Variants in SAMD12 observed in about 807,000 individuals in gnomAD.
SAMD12 encodes sterile alpha motif domain containing 12.
Under a neutral mutation model 15.0 loss-of-function variants are expected in SAMD12, and 9 were observed. The ratio of observed to expected loss-of-function variants is 0.60; its 90% CI spans 0.36 to 1.05. The LOEUF (loss-of-function observed/expected upper bound fraction) is 1.05. SAMD12 is among the 50% of genes least tolerant of loss of function. The pLI is 0.01. For synonymous variants in SAMD12, 86 were observed against 90.1 expected (o/e 0.96, Z 0.25); for missense variants, 230 against 234.2 (o/e 0.98, Z 0.12).
At chr8:118,386,812 G>GA (rs1819987868) in intron 3 of SAMD12, among the ~76,000 whole-genome samples, 1 of 152,190 alleles carries the variant, frequency 6.6e-6, no homozygotes, top group African/African-American at 2.4e-5. Flanking sequence ...ATGACTGCAT[G>GA]TCATAAGGCA....
intron 4 of SAMD12, among the ~76,000 whole-genome samples, chr8:118,286,562 T>TC (rs11382798): frequency 0.34 from 52,331 of 152,074 alleles, 9,821 homozygotes; most frequent in East Asian, 0.5. Context: ...AACATTTTCT[T>TC]CGTTACCCCT....
At chr8:118,273,352 T>C (rs1232792869) in intron 4 of SAMD12, among the ~76,000 whole-genome samples, 4 of 152,122 alleles carry the variant, frequency 2.6e-5, no homozygotes, top group Non-Finnish European at 5.9e-5. Context: ...CCACATCCTT[T>C]CTATGGCACA....
At chr8:118,419,895 C>A (rs779051794) in intron 3 of SAMD12, among the ~76,000 whole-genome samples, 7 of 152,164 alleles carry the variant, frequency 4.6e-5, no homozygotes, top group Non-Finnish European at 1.0e-4. Context: ...GTCCTCCTGT[C>A]TATGTTACCT....
At chr8:118,510,601 C>T (rs1352304730) in intron 2 of SAMD12, among the ~76,000 whole-genome samples, 1 of 152,158 alleles carries the variant, frequency 6.6e-6, no homozygotes, top group African/African-American at 2.4e-5. Context: ...CACCCTCCCC[C>T]AGGGTTATGC....
At chr8:118,408,614 A>G (rs1370388207) in intron 3 of SAMD12, among the ~76,000 whole-genome samples, 2 of 152,192 alleles carry the variant, frequency 1.3e-5, no homozygotes, top group African/African-American at 4.8e-5. Flanking sequence ...ATCATTCTTA[A>G]TAAATACTAA....
At chr8:118,324,969 G>A (rs1427176574) in intron 4 of SAMD12, among the ~76,000 whole-genome samples, 1 of 152,130 alleles carries the variant, frequency 6.6e-6, no homozygotes. Flanking sequence ...ACCATGCTAT[G>A]CAGTTGACTC....
At chr8:118,477,737 G>A (rs967920640) in intron 2 of SAMD12, among the ~76,000 whole-genome samples, 13 of 152,080 alleles carry the variant, frequency 8.5e-5, no homozygotes, top group Admixed American at 3.9e-4. Flanking sequence ...GGAACTGGCC[G>A]GGCGCGGTGG....
chr8:118,568,783 T>C (rs1479058814), intron 2 of SAMD12, among the ~76,000 whole-genome samples: 1 of 152,194 alleles, frequency 6.6e-6, no homozygotes, highest in Non-Finnish European at 1.5e-5. Flanking sequence ...CCATTAACAC[T>C]ACTACAGTAA....
the SAMD12 span, among the ~76,000 whole-genome samples, chr8:118,137,764 G>GA: frequency 1.3e-5 from 2 of 151,714 alleles, no homozygotes; most frequent in Non-Finnish European, 2.9e-5. Flanking sequence ...GAGCTGAAAA[G>GA]AAAAAAAATC....
At chr8:118,446,242 G>GGA (rs1822908092) in intron 2 of SAMD12, among the ~76,000 whole-genome samples, 1 of 150,770 alleles carries the variant, frequency 6.6e-6, no homozygotes, top group Non-Finnish European at 1.5e-5. Flanking sequence ...TAAGACTAGA[G>GGA]GATTTTTTTC....
chr8:118,404,726 C>T (rs1199838296), intron 3 of SAMD12, among the ~76,000 whole-genome samples: 1 of 152,150 alleles, frequency 6.6e-6, no homozygotes, highest in Non-Finnish European at 1.5e-5. Context: ...TAACAAGCAC[C>T]ATAAATGAGG....
chr8:118,412,677 G>T (rs1821471363), intron 3 of SAMD12, among the ~76,000 whole-genome samples: 1 of 152,080 alleles, frequency 6.6e-6, no homozygotes, highest in Non-Finnish European at 1.5e-5. Flanking sequence ...ACCTTCTAGG[G>T]CAGTCCACCT....
chr8:118,612,208 T>C (rs997390558), intron 1 of SAMD12, among the ~76,000 whole-genome samples: 3 of 152,214 alleles, frequency 2.0e-5, no homozygotes, highest in Non-Finnish European at 2.9e-5. Context: ...TCTCTTATAC[T>C]TAGTCTTCCC....
At chr8:118,545,597 C>G (rs902269839) in intron 2 of SAMD12, among the ~76,000 whole-genome samples, 4 of 152,114 alleles carry the variant, frequency 2.6e-5, no homozygotes, top group African/African-American at 4.8e-5. Context: ...AGTCTTCGCC[C>G]AAAGTGGAGG....
chr8:118,470,238 G>C (rs952774945), intron 2 of SAMD12, among the ~76,000 whole-genome samples: 3 of 145,688 alleles, frequency 2.1e-5, no homozygotes, highest in African/African-American at 7.9e-5. Flanking sequence ...CACTCAATAT[G>C]TTATCTTTTT....
At chr8:118,155,430 C>T in the SAMD12 span, among the ~76,000 whole-genome samples, 1 of 152,226 alleles carries the variant, frequency 6.6e-6, no homozygotes, top group Non-Finnish European at 1.5e-5. Flanking sequence ...TAGTTTTATT[C>T]AGTTATGAGA....
intron 2 of SAMD12, among the ~76,000 whole-genome samples, chr8:118,440,464 G>T (rs980807151): frequency 1.3e-5 from 2 of 152,094 alleles, no homozygotes; most frequent in Non-Finnish European, 2.9e-5. Context: ...CTGCCTGGGG[G>T]CTCTGGACTT....
intron 2 of SAMD12, among the ~76,000 whole-genome samples, chr8:118,496,686 A>G (rs1260695756): frequency 6.6e-6 from 1 of 152,202 alleles, no homozygotes; most frequent in Non-Finnish European, 1.5e-5. Flanking sequence ...CAAAGTCTCC[A>G]AAAGCAATTG....
At chr8:118,244,318 T>C (rs1489489356) in intron 4 of SAMD12, among the ~76,000 whole-genome samples, 4 of 152,130 alleles carry the variant, frequency 2.6e-5, no homozygotes, top group East Asian at 1.9e-4. Context: ...AAGGAGCAGA[T>C]TGAAGATTTA....
Sources: gnomAD v4.1 joint callset for allele counts (sites outside exome capture counted in the v4.1 genomes callset) on GRCh38, gnomAD v4.1.1 for gene constraint, MANE v1.5 for transcripts, NCBI Gene and HGNC (gene_info 2026-07-23, HGNC 2026-07-21) for gene names.